Variants in HSD17B12 observed in about 807,000 individuals in gnomAD.
HSD17B12 encodes very-long-chain 3-oxoacyl-CoA reductase.
HSD17B12 carries 32 observed loss-of-function variants against 39.3 expected under a neutral mutation model. The observed-to-expected ratio is 0.81, with a 90% CI of 0.61 to 1.09. HSD17B12 has a LOEUF of 1.09. HSD17B12 is among the 50% of genes least tolerant of loss of function. The pLI, the probability that HSD17B12 is intolerant of heterozygous loss-of-function variation, is 0.00. For synonymous variants in HSD17B12, 150 were observed against 146.7 expected, an observed-to-expected ratio of 1.02 and a Z score of -0.16; for missense variants, 342 against 382.9, an observed-to-expected ratio of 0.89 and a Z score of 0.89.
chr11:43,745,595 G>T (rs1041927266), intron 1 of HSD17B12, among the ~76,000 whole-genome samples: 9 of 152,102 alleles, frequency 5.9e-5, no homozygotes, highest in African/African-American at 2.2e-4. Context: ...AGGTTATATG[G>T]TATGGCCTAA....
chr11:43,826,678 T>C (rs1264760496), intron 6 of HSD17B12, among the ~76,000 whole-genome samples: 1 of 152,218 alleles, frequency 6.6e-6, no homozygotes, highest in Non-Finnish European at 1.5e-5. Context: ...CTCAAAGCAC[T>C]CTTAGAAACT....
chr11:43,581,775 G>A, the HSD17B12 span, among the ~76,000 whole-genome samples: 3 of 152,178 alleles, frequency 2.0e-5, no homozygotes, highest in African/African-American at 7.2e-5. The surrounding 1 kb of genome is among the most constrained non-coding windows in gnomAD (Gnocchi z 4.9). Flanking sequence ...GTTTACAGAA[G>A]TTGTGTCTTC....
At chr11:43,802,911 T>C (rs1200305909) in intron 4 of HSD17B12, among the ~76,000 whole-genome samples, 1 of 152,222 alleles carries the variant, frequency 6.6e-6, no homozygotes, top group Non-Finnish European at 1.5e-5. Flanking sequence ...ATAATAAAAA[T>C]CATTATAGCT....
At chr11:43,676,237 ATG>A (rs1175085912), upstream of HSD17B12, among the ~76,000 whole-genome samples, 4 of 75,080 alleles carry the variant, frequency 5.3e-5, no homozygotes, top group East Asian at 9.4e-4. Flanking sequence ...GTGTGTGTGT[ATG>A]TGTTAAGCGT....
At chr11:43,787,206 T>C (rs1377423769) in intron 3 of HSD17B12, among the ~76,000 whole-genome samples, 1 of 152,098 alleles carries the variant, frequency 6.6e-6, no homozygotes, top group Non-Finnish European at 1.5e-5. Context: ...CCTCCCAAAG[T>C]GCTGGGATAA....
chr11:43,595,290 T>C, the HSD17B12 span, among the ~76,000 whole-genome samples: 11 of 152,240 alleles, frequency 7.2e-5, no homozygotes, highest in Non-Finnish European at 7.3e-5. Flanking sequence ...GTGTCTTGTA[T>C]ATATGTTGCA....
At chr11:43,736,247 G>C (rs1950315354) in intron 1 of HSD17B12, among the ~76,000 whole-genome samples, 1 of 152,208 alleles carries the variant, frequency 6.6e-6, no homozygotes, top group Non-Finnish European at 1.5e-5. Context: ...AGTCGGCCCA[G>C]GGGAGTAACT....
chr11:43,720,722 A>G (rs2134863493), intron 1 of HSD17B12, among the ~76,000 whole-genome samples: 1 of 152,354 alleles, frequency 6.6e-6, no homozygotes, highest in Middle Eastern at 3.4e-3. Context: ...CATCTATAGA[A>G]TAATCTATTG....
chr11:43,826,277 G>A (rs1951239051), intron 6 of HSD17B12, among the ~76,000 whole-genome samples: 1 of 151,908 alleles, frequency 6.6e-6, no homozygotes, highest in African/African-American at 2.4e-5. Flanking sequence ...TAGAGACGGA[G>A]TTTCACCGTG....
the HSD17B12 span, among the ~76,000 whole-genome samples, chr11:43,612,947 A>T: frequency 6.6e-6 from 1 of 152,196 alleles, no homozygotes; most frequent in Admixed American, 6.5e-5. Flanking sequence ...CATCAGAGCT[A>T]GGATTGGCAT....
At chr11:43,614,867 T>A in the HSD17B12 span, among the ~76,000 whole-genome samples, 1 of 152,180 alleles carries the variant, frequency 6.6e-6, no homozygotes, top group Non-Finnish European at 1.5e-5. Context: ...ACCTATTATG[T>A]CTAGTTTTTT....
intron 9 of HSD17B12, among the ~76,000 whole-genome samples, chr11:43,849,238 GAGGT>G (rs1951508354): frequency 6.6e-6 from 1 of 152,188 alleles, no homozygotes; most frequent in Non-Finnish European, 1.5e-5. Flanking sequence ...CCGGGAGGTG[GAGGT>G]TGCAGTGAGC....
intron 9 of HSD17B12, among the ~76,000 whole-genome samples, chr11:43,843,895 C>T (rs1194561577): frequency 2.0e-5 from 3 of 152,212 alleles, no homozygotes; most frequent in Non-Finnish European, 4.4e-5. Flanking sequence ...TCTTATTTGT[C>T]TCTGTGTTGC....
rs1949846446 is a variant in HSD17B12, at chr11:43,690,385, TATATATATATATA to T, written c.160+9399_160+9411del. 1.9e-3 allele frequency among the ~76,000 whole-genome samples: 29 copies of T among 15,106 alleles called. 4 individuals carry two copies. Among genetic ancestry groups the T allele is most frequent in the African/African-American group, 5.9e-3 (26 of 4,378 alleles). 9.9% of individuals were successfully genotyped at this position (15,106 alleles called of 152,430 possible). A position where few individuals can be genotyped will look rare whatever the true frequency, so the allele number is the denominator to read the frequency against. On this transcript the variant is annotated intron_variant, in intron 1 of 10. Transcript: ENST00000278353. The stretch of plus-strand genomic sequence containing the variant: ...ACATATATATATATATATATATATA[TATATATATATATA>T]TATATATTTTTTTTTTTTTTTTTCT...
At chr11:43,742,112 AATATAT>A (rs1168038073) in intron 1 of HSD17B12, among the ~76,000 whole-genome samples, 9 of 93,140 alleles carry the variant, frequency 9.7e-5, no homozygotes, top group African/African-American at 3.8e-4. Context: ...AGGCAAAGGA[AATATAT>A]ATATATATAT....
At chr11:43,725,542 G>A (rs779169757) in intron 1 of HSD17B12, among the ~76,000 whole-genome samples, 6 of 152,118 alleles carry the variant, frequency 3.9e-5, no homozygotes, top group Non-Finnish European at 8.8e-5. Flanking sequence ...AATCTAACAA[G>A]TCTGACATAG....
chr11:43,730,189 C>G lies in HSD17B12; in HGVS notation c.161-20722C>G, dbSNP rs569248661. Among the ~76,000 whole-genome samples, 31 of 152,266 alleles carry G rather than the reference C, an allele frequency of 2.0e-4. 1 individual carries two copies. The South Asian group carries it at 6.4e-3, about 32-fold the overall frequency. On this transcript the variant is annotated intron_variant, in intron 1 of 10. Coordinates refer to ENST00000278353, the MANE Select transcript of HSD17B12 (RefSeq NM_016142.3). ...AACTAAGGCTCAGAAATATTAACCA[C>G]TGGTCCAGGTTGATTTAGCTAGCAG...
the HSD17B12 span, among the ~76,000 whole-genome samples, chr11:43,575,962 T>G: frequency 6.6e-6 from 1 of 150,918 alleles, no homozygotes. This position sits in a 1 kb window ranked among gnomAD's most constrained non-coding sequence, Gnocchi z 4.1. Context: ...GTATGGATGA[T>G]TTTTTTTTTC....
At chr11:43,732,021 A>C (rs1421631457) in intron 1 of HSD17B12, among the ~76,000 whole-genome samples, 1 of 152,146 alleles carries the variant, frequency 6.6e-6, no homozygotes, top group Non-Finnish European at 1.5e-5. Context: ...CCTAAGTCTC[A>C]TCTTGAATTG....
Sources: allele counts gnomAD v4.1 joint callset (sites outside exome capture counted in the v4.1 genomes callset), GRCh38; gene constraint gnomAD v4.1.1; non-coding constraint Gnocchi (gnomAD v3.1); transcripts MANE v1.5; gene names NCBI Gene and HGNC (gene_info 2026-07-23, HGNC 2026-07-21).